Variants in ROBO2 observed in about 807,000 individuals in gnomAD.
ROBO2 encodes roundabout guidance receptor 2.
Under a neutral mutation model 160.8 loss-of-function variants are expected in ROBO2, and 53 were observed. The observed-to-expected ratio is 0.33, with a 90% CI of 0.26 to 0.41. The LOEUF is 0.41. ROBO2 is among the 10% of genes least tolerant of loss of function. The pLI, the probability that ROBO2 is intolerant of heterozygous loss-of-function variation, is 1.00. For synonymous variants in ROBO2, 664 were observed against 611.7 expected (o/e 1.09, Z -1.26); for missense variants, 1,577 against 1,722.4 (o/e 0.92, Z 1.49).
intron 2 of ROBO2, among the ~76,000 whole-genome samples, chr3:76,417,620 T>C (rs967796783): frequency 6.6e-6 from 1 of 152,144 alleles, no homozygotes; most frequent in African/African-American, 2.4e-5. Flanking sequence ...AGAATAGTTA[T>C]AGTCTGAACT....
intron 1 of ROBO2, chr3:77,092,305 G>T (rs909089442): frequency 2.0e-5 from 3 of 151,404 alleles, no homozygotes; most frequent in Non-Finnish European, 2.9e-5. Flanking sequence ...TTTGGAATTA[G>T]CCTAGATGCC....
chr3:76,183,375 G>A (rs1341602037), intron 2 of ROBO2, among the ~76,000 whole-genome samples: 1 of 152,076 alleles, frequency 6.6e-6, no homozygotes, highest in East Asian at 1.9e-4. Context: ...TCAAGAATAG[G>A]AGTTAGACTC....
chr3:76,800,311 C>A (rs2064101851), intron 2 of ROBO2, among the ~76,000 whole-genome samples: 1 of 152,122 alleles, frequency 6.6e-6, no homozygotes, highest in African/African-American at 2.4e-5. Flanking sequence ...TTGGCCTAGG[C>A]AAAGATTTCT....
chr3:77,196,218 G>A (rs2082293572), intron 2 of ROBO2, among the ~76,000 whole-genome samples: 1 of 152,084 alleles, frequency 6.6e-6, no homozygotes, highest in Admixed American at 6.5e-5. Flanking sequence ...TTGGAAGCCT[G>A]TTGTGTAATT....
At chr3:76,081,191 A>G (rs1325863154) in intron 2 of ROBO2, among the ~76,000 whole-genome samples, 1 of 151,946 alleles carries the variant, frequency 6.6e-6, no homozygotes, top group Non-Finnish European at 1.5e-5. Flanking sequence ...TATTCCATGT[A>G]CAAACTACAT....
intron 2 of ROBO2, among the ~76,000 whole-genome samples, chr3:76,600,218 G>A (rs1319412968): frequency 2.6e-5 from 4 of 152,100 alleles, no homozygotes; most frequent in African/African-American, 7.2e-5. Context: ...ATTGATTTTT[G>A]TATATGGTGT....
intron 9 of ROBO2, among the ~76,000 whole-genome samples, chr3:77,559,835 CATTA>C (rs1489753474): frequency 1.3e-5 from 2 of 151,920 alleles, no homozygotes; most frequent in African/African-American, 4.8e-5. Context: ...GAGATACAGG[CATTA>C]ATTATTGCTT....
chr3:76,429,616 G>A (rs2076356150), intron 2 of ROBO2, among the ~76,000 whole-genome samples: 1 of 152,142 alleles, frequency 6.6e-6, no homozygotes, highest in African/African-American at 2.4e-5. Context: ...AGCAAACTAA[G>A]TAGAACATTT....
At chr3:75,941,564 T>C (rs1948054991) in intron 2 of ROBO2, among the ~76,000 whole-genome samples, 1 of 152,182 alleles carries the variant, frequency 6.6e-6, no homozygotes, top group Non-Finnish European at 1.5e-5. Flanking sequence ...TGCTGCTAGA[T>C]ATGAGAAAGT....
intron 2 of ROBO2, among the ~76,000 whole-genome samples, chr3:76,349,778 T>G (rs2074760705): frequency 6.6e-6 from 1 of 152,044 alleles, no homozygotes; most frequent in Admixed American, 6.6e-5. Context: ...TCATTTTTCT[T>G]GTGTCAGTGT....
intron 2 of ROBO2, among the ~76,000 whole-genome samples, chr3:76,222,375 G>A (rs1704021244): frequency 6.6e-6 from 1 of 152,178 alleles, no homozygotes; most frequent in South Asian, 2.1e-4. Flanking sequence ...ATACTTGGAA[G>A]AGGGCCAAGT....
At chr3:76,738,867 T>C (rs554738761) in intron 2 of ROBO2, among the ~76,000 whole-genome samples, 60 of 152,264 alleles carry the variant, frequency 3.9e-4, no homozygotes, top group African/African-American at 1.4e-3. Context: ...AAAATACTAC[T>C]ACATGTTTGT....
chr3:76,065,467 G>C (rs183973174), intron 2 of ROBO2, among the ~76,000 whole-genome samples: 1 of 152,018 alleles, frequency 6.6e-6, no homozygotes, highest in African/African-American at 2.4e-5. Flanking sequence ...ACCAAAGATT[G>C]TTGGCCACTA....
intron 2 of ROBO2, among the ~76,000 whole-genome samples, chr3:76,108,445 A>G (rs1038215540): frequency 5.3e-5 from 8 of 151,924 alleles, no homozygotes; most frequent in Non-Finnish European, 8.8e-5. Flanking sequence ...GAATATCATC[A>G]CTGTGACTCT....
At chr3:76,576,995 G>A (rs952645618) in intron 2 of ROBO2, among the ~76,000 whole-genome samples, 6 of 151,940 alleles carry the variant, frequency 3.9e-5, no homozygotes, top group Non-Finnish European at 7.4e-5. Flanking sequence ...AAGAGGAAAG[G>A]AGGAAATAAA....
intron 2 of ROBO2, among the ~76,000 whole-genome samples, chr3:77,254,631 A>G (rs1580409586): frequency 1.3e-5 from 2 of 152,190 alleles, no homozygotes; most frequent in Non-Finnish European, 2.9e-5. Context: ...TGGTTTTATT[A>G]TAAGTTGTGT....
At chr3:76,569,820 A>G (rs2084850641) in intron 2 of ROBO2, among the ~76,000 whole-genome samples, 1 of 152,158 alleles carries the variant, frequency 6.6e-6, no homozygotes, top group Non-Finnish European at 1.5e-5. Context: ...AGGACCCAGA[A>G]CAGCATTGAG....
At chr3:76,174,512 A>G (rs532441733) in intron 2 of ROBO2, among the ~76,000 whole-genome samples, 1 of 152,110 alleles carries the variant, frequency 6.6e-6, no homozygotes, top group African/African-American at 2.4e-5. Context: ...ATGTTTAAGT[A>G]TTTAATCCAT....
At chr3:76,645,575 G>A (rs2090924304) in intron 2 of ROBO2, among the ~76,000 whole-genome samples, 2 of 152,164 alleles carry the variant, frequency 1.3e-5, no homozygotes, top group South Asian at 2.1e-4. Flanking sequence ...TCTTAGTCTA[G>A]ACAGAGAGAG....
Sources: gnomAD v4.1 joint callset for allele counts (sites outside exome capture counted in the v4.1 genomes callset) on GRCh38, gnomAD v4.1.1 for gene constraint, MANE v1.5 for transcripts, NCBI Gene and HGNC (gene_info 2026-07-23, HGNC 2026-07-21) for gene names.